PHAF1: variants seen among roughly 807,000 people sequenced by gnomAD.
PHAF1 encodes phagosome assembly factor 1.
A neutral mutation model predicts 63.1 loss-of-function variants in PHAF1; 23 were observed. The ratio of observed to expected loss-of-function variants is 0.36; its 90% confidence interval spans 0.26 to 0.52. The LOEUF (loss-of-function observed/expected upper bound fraction) is 0.52, where lower values mean the gene tolerates loss of function less well. Among genes scored for constraint, PHAF1 ranks in the 20% least tolerant of loss-of-function variants. PHAF1 has a pLI of 0.93. For missense variants in PHAF1, 427 were observed against 517.2 expected (o/e 0.83, Z 1.69); for synonymous variants, 167 against 185.0 (o/e 0.90, Z 0.79).
chr16:67,134,091 T>G, intron 6 of PHAF1, 77 bp from the exon 7 acceptor site: 6 of 1,256,932 alleles, frequency 4.8e-6, no homozygotes, highest in Non-Finnish European at 6.9e-6. Flanking sequence ...TTGAAGACCA[T>G]GAGTGACAGG....
At chr16:67,132,402 C>G (rs754040825) in intron 4 of PHAF1, 44 bp from the exon 5 acceptor site, 11 of 1,475,574 alleles carry the variant, frequency 7.5e-6, no homozygotes, top group Non-Finnish European at 1.0e-5. Context: ...ATCTGTGGGC[C>G]CATCTTGTGA....
At position 67,147,138 on chromosome 16, in the gene PHAF1, C is replaced by G; in HGVS notation, c.*7C>G. ...AACAGCGGAACTCCCCTAGGGACACCACCACCCATGCCCCTCTGTCCCGTG... is the reference window on the plus strand; with the variant it reads ...AACAGCGGAACTCCCCTAGGGACACGACCACCCATGCCCCTCTGTCCCGTG... On this transcript the variant is annotated 3_prime_UTR_variant, in exon 16 of 16. Coordinates refer to ENST00000219139, the MANE Select transcript of PHAF1 (RefSeq NM_025187.5). 6.2e-7 allele frequency: 1 copy of G among 1,602,492 alleles called. No homozygotes were observed. Among genetic ancestry groups the G allele is most frequent in the Non-Finnish European group, 8.6e-7 (1 of 1,169,550 alleles).
chr16:67,123,569 T>C (rs984508770), intron 2 of PHAF1, among the ~76,000 whole-genome samples: 1 of 152,056 alleles, frequency 6.6e-6, no homozygotes, highest in African/African-American at 2.4e-5. Context: ...TGAGACTCCA[T>C]CTCAAAAAAA....
intron 8 of PHAF1, among the ~76,000 whole-genome samples, chr16:67,137,845 A>G (rs1963667000): frequency 1.3e-5 from 2 of 152,168 alleles, no homozygotes; most frequent in African/African-American, 4.8e-5. Context: ...CACTGCTTAC[A>G]CTGTCAGCAG....
chr16:67,116,447 T>G (rs565725741), intron 1 of PHAF1, among the ~76,000 whole-genome samples: 4 of 152,350 alleles, frequency 2.6e-5, no homozygotes, highest in African/African-American at 9.6e-5. Context: ...GCCAACTGAT[T>G]TAAATGTGAA....
At chr16:67,139,736 A>G (rs1013448333) in intron 8 of PHAF1, 1 of 491,022 alleles carries the variant, frequency 2.0e-6, no homozygotes, top group Non-Finnish European at 3.6e-6. Flanking sequence ...TAGTGAATGA[A>G]TAAGTGAATG....
intron 1 of PHAF1, among the ~76,000 whole-genome samples, chr16:67,112,029 C>T (rs950777372): frequency 4.6e-5 from 7 of 152,136 alleles, no homozygotes; most frequent in African/African-American, 7.2e-5. Context: ...TCCATTCTCT[C>T]GTGAAGCACT....
intron 8 of PHAF1, chr16:67,134,697 T>C: frequency 1.6e-6 from 1 of 632,220 alleles, no homozygotes; most frequent in Non-Finnish European, 2.9e-6. Context: ...TGCAGTCTAG[T>C]TCATAGAAGA....
At chr16:67,120,031 A>G (rs1446409393) in intron 1 of PHAF1, 81 bp from the exon 2 acceptor site, 7 of 1,186,366 alleles carry the variant, frequency 5.9e-6, no homozygotes. Context: ...GCTTTACTGC[A>G]GGGACCAGTG....
chr16:67,141,185 C>T (rs942613525), intron 10 of PHAF1, among the ~76,000 whole-genome samples: 1 of 152,190 alleles, frequency 6.6e-6, no homozygotes, highest in African/African-American at 2.4e-5. Context: ...ACCTTTGAGC[C>T]TTCTACGGTC....
intron 8 of PHAF1, chr16:67,134,779 G>C (rs1168914052): frequency 2.0e-6 from 1 of 495,800 alleles, no homozygotes; most frequent in Non-Finnish European, 3.9e-6. Flanking sequence ...TAACGGCACT[G>C]ATCTCAATCC....
chr16:67,143,514 C>T (rs563632907), intron 10 of PHAF1, among the ~76,000 whole-genome samples: 24 of 152,346 alleles, frequency 1.6e-4, no homozygotes, highest in South Asian at 1.4e-3. Flanking sequence ...CTGGGCACCA[C>T]GCTAGGTGAC....
rs953309039 is a variant in PHAF1, at chr16:67,130,148, G to A, written c.232-1138G>A. ...TGCAAGCTCTGCCTCCCGGGTTCACGCCATTCTCCTGCCTCAGCCTCCTCA... is the reference window on the plus strand; with the variant it reads ...TGCAAGCTCTGCCTCCCGGGTTCACACCATTCTCCTGCCTCAGCCTCCTCA... On this transcript the variant is annotated intron_variant, in intron 3 of 15. Transcript: ENST00000219139. Among the ~76,000 whole-genome samples, 5 of 152,030 alleles carry A rather than the reference G, an allele frequency of 3.3e-5. No homozygotes were observed. The East Asian group carries it at 7.8e-4, about 24-fold the overall frequency.
chr16:67,146,607 C>T (rs1444257273), intron 15 of PHAF1, among the ~76,000 whole-genome samples: 3 of 152,166 alleles, frequency 2.0e-5, no homozygotes, highest in Non-Finnish European at 4.4e-5. Context: ...TAACGGATCC[C>T]AAGTTTCTAT....
chr16:67,146,396 G>T (rs773951572), intron 15 of PHAF1, 46 bp downstream of exon 15: 3 of 1,566,288 alleles, frequency 1.9e-6, no homozygotes, highest in African/African-American at 1.4e-5. Context: ...GGGGTTGCTG[G>T]TCATGGCAGG....
At chr16:67,139,921 C>T (rs965577173) in intron 8 of PHAF1, 63 bp from the exon 9 acceptor site, 15 of 1,590,720 alleles carry the variant, frequency 9.4e-6, no homozygotes, top group Admixed American at 1.7e-5. Context: ...TTCTCTGGGG[C>T]CCCCAGAGAG....
At position 67,148,445 on chromosome 16, in the gene PHAF1, C is replaced by T. The variant is rs1347973887; in HGVS notation, c.*1314C>T. ...TTCCCATCCTCCTGGAATGGGGGAA[C>T]CTTCCTTATCCCCTGCCCACATCCC... On this transcript the variant is annotated 3_prime_UTR_variant, in exon 16 of 16. Transcript: ENST00000219139. 1 of 152,566 alleles carries T rather than the reference C, an allele frequency of 6.6e-6. No homozygotes were observed. Among genetic ancestry groups the T allele is most frequent in the Non-Finnish European group, 1.5e-5 (1 of 68,054 alleles). 9.5% of individuals were successfully genotyped at this position (152,566 alleles called of 1,614,324 possible).
At chr16:67,114,011 A>G (rs558577851) in intron 1 of PHAF1, among the ~76,000 whole-genome samples, 12 of 152,262 alleles carry the variant, frequency 7.9e-5, no homozygotes, top group African/African-American at 2.2e-4. Flanking sequence ...AATGTTTTCA[A>G]TGAGAGTTGC....
chr16:67,118,744 C>A (rs541912410), intron 1 of PHAF1, among the ~76,000 whole-genome samples: 1 of 136,540 alleles, frequency 7.3e-6, no homozygotes, highest in East Asian at 2.1e-4. Flanking sequence ...TTCATTGATT[C>A]TGGTGGATGA....
Sources: gnomAD v4.1 joint callset for allele counts (sites outside exome capture counted in the v4.1 genomes callset) on GRCh38, gnomAD v4.1.1 for gene constraint, MANE v1.5 for transcripts, NCBI Gene and HGNC (gene_info 2026-07-23, HGNC 2026-07-21) for gene names.